PALM: variants seen among roughly 807,000 people sequenced by gnomAD.
The protein encoded by PALM is paralemmin-1.
Under a neutral mutation model 30.7 loss-of-function variants are expected in PALM, and 18 were observed. The observed-to-expected ratio is 0.59, with a 90% CI of 0.41 to 0.87. PALM has a LOEUF of 0.87. Among genes scored for constraint, PALM ranks in the 40% least tolerant of loss-of-function variants. PALM has a pLI of 0.00. For missense variants in PALM, 529 were observed against 555.4 expected (o/e 0.95, Z 0.48); for synonymous variants, 286 against 242.8 (o/e 1.18, Z -1.66).
In PALM at chr19:740,471, G is replaced by A. The variant is rs1365916466; in HGVS notation, c.622G>A (p.Asp208Asn). Residue 208 changes from aspartate (D) to asparagine (N), a missense_variant, in exon 8 of 9, where the codon GAC (aspartate) becomes AAC (asparagine). By Grantham distance (23) the Asp-to-Asn change is conservative. Transcript: ENST00000338448. ...CCCTCTGGGCATCAAAGTCTACGAG[G>A]ACGAGACCAAAGGTACGAGCACCCC... ...PLPLGIKVYEDETKVVHAVDG... is the reference protein window; with the variant it reads ...PLPLGIKVYENETKVVHAVDG... The A allele has an allele frequency of 3.2e-6, 5 of 1,551,586 alleles. No homozygotes were observed. The highest frequency in any genetic ancestry group is 4.4e-6 in the Non-Finnish European group (5 of 1,147,144).
intron 8 of PALM, among the ~76,000 whole-genome samples, chr19:741,509 T>G (rs1311118487): frequency 5.9e-3 from 6 of 1,016 alleles, no homozygotes; most frequent in African/African-American, 8.6e-3. Flanking sequence ...GCTGCAGGGG[T>G]GAGGGGAGAC....
chr19:713,810 G>A (rs887676124), intron 1 of PALM, among the ~76,000 whole-genome samples: 2 of 152,098 alleles, frequency 1.3e-5, no homozygotes, highest in African/African-American at 4.8e-5. Context: ...TCGAACTCCT[G>A]GCCTCAAGTG....
At position 709,841 on chromosome 19, in the gene PALM, G is replaced by A. The variant is rs1006225021; in HGVS notation, c.5+690G>A. On this transcript the variant is annotated intron_variant, in intron 1 of 8. Transcript: ENST00000338448. The surrounding 1 kb of genome is among the most constrained non-coding windows in gnomAD (Gnocchi z 4.3). ...GTGTCTCGGAGCTGGGGCTCCACTG[G>A]TGTAGCTACAGGAGTGGGCTGGCCC... Among the ~76,000 whole-genome samples the A allele has an allele frequency of 3.3e-5, 5 of 152,178 alleles. No homozygotes were observed. Among genetic ancestry groups the A allele is most frequent in the African/African-American group, 1.2e-4 (5 of 41,442 alleles).
chr19:728,774 T>C (rs920798961), intron 4 of PALM, among the ~76,000 whole-genome samples: 13 of 151,754 alleles, frequency 8.6e-5, no homozygotes, highest in African/African-American at 2.2e-4. Flanking sequence ...GAGACCGAGG[T>C]GGGTGAATCA....
chr19:719,035 C>G (rs1245777834), intron 1 of PALM: 10 of 799,824 alleles, frequency 1.3e-5, no homozygotes, highest in African/African-American at 1.9e-5. Flanking sequence ...GTGACTCCCC[C>G]ACCCCCCACA....
chr19:712,876 A>T (rs761830378), intron 1 of PALM, among the ~76,000 whole-genome samples: 5 of 152,058 alleles, frequency 3.3e-5, no homozygotes, highest in Non-Finnish European at 7.4e-5. Context: ...AGGTTTCGCC[A>T]TGTTGGGCAG....
rs112133426 is a variant in PALM, at chr19:723,780, C to T, written c.6-2358C>T. ...TAATTTTTGTATTTTTTGGTAGAGA[C>T]GGGGTTTTACCGTCTCTGTTGGCCA... is the stretch of plus-strand genomic sequence containing the variant. On this transcript the variant is annotated intron_variant, in intron 1 of 8. Coordinates refer to ENST00000338448, the MANE Select transcript of PALM (RefSeq NM_002579.3). 7.1e-3 allele frequency among the ~76,000 whole-genome samples: 1,079 copies of T among 152,146 alleles called. 12 individuals are homozygous for T. Among genetic ancestry groups the T allele is most frequent in the African/African-American group, 0.025 (1,024 of 41,502 alleles).
chr19:711,445 T>G (rs997007581), intron 1 of PALM, among the ~76,000 whole-genome samples: 2 of 152,210 alleles, frequency 1.3e-5, no homozygotes, highest in South Asian at 4.1e-4. Context: ...CGGCCCAGAC[T>G]CCTCCCTGCT....
intron 8 of PALM, among the ~76,000 whole-genome samples, chr19:744,211 T>C (rs1408916319): frequency 2.0e-5 from 3 of 151,500 alleles, no homozygotes; most frequent in African/African-American, 7.3e-5. Flanking sequence ...CCAGCCTGGC[T>C]AACAAGGTGA....
chr19:732,590 G>T (rs2032908262), intron 5 of PALM, among the ~76,000 whole-genome samples: 1 of 152,166 alleles, frequency 6.6e-6, no homozygotes, highest in African/African-American at 2.4e-5. Context: ...AGCTGCTCGG[G>T]AGGCTGAGGC....
In PALM at chr19:727,154, C is replaced by T; in HGVS notation, c.138+66C>T. ...GGCTGTGAGGCGGAGGCCCCGGACT[C>T]CTGCCCAACCCTGACCCTGACCCCA... On this transcript the variant is annotated intron_variant, in intron 3 of 8. Transcript: ENST00000338448. 3.8e-6 allele frequency: 4 copies of T among 1,039,722 alleles called. No individual in the cohort carries two copies. The South Asian group carries it at 5.5e-5, about 14-fold the overall frequency. 64.4% of individuals were successfully genotyped at this position (1,039,722 alleles called of 1,614,324 possible).
intron 5 of PALM, among the ~76,000 whole-genome samples, chr19:732,561 G>C (rs1249718233): frequency 1.3e-5 from 2 of 152,168 alleles, no homozygotes; most frequent in African/African-American, 4.8e-5. Context: ...CAGATGTCGT[G>C]GCCGGCACCT....
At chr19:722,489 A>T (rs1023606563) in intron 1 of PALM, 6 of 152,240 alleles carry the variant, frequency 3.9e-5, no homozygotes, top group African/African-American at 1.4e-4. Flanking sequence ...TTCACCTCCC[A>T]AAATGCTGGA....
At chr19:716,411 CAAAA>C (rs564541436) in intron 1 of PALM, among the ~76,000 whole-genome samples, 1 of 131,484 alleles carries the variant, frequency 7.6e-6, no homozygotes, top group Admixed American at 7.9e-5. Context: ...CTCTTTCTCT[CAAAA>C]AAAAAAAAAA....
chr19:723,189 G>C (rs73918188), intron 1 of PALM, among the ~76,000 whole-genome samples: 1 of 152,272 alleles, frequency 6.6e-6, no homozygotes, highest in East Asian at 1.9e-4. Context: ...GCAGGCATCT[G>C]TGCCTCCGTG....
At chr19:725,877 T>G (rs1240472913) in intron 1 of PALM, among the ~76,000 whole-genome samples, 1 of 152,154 alleles carries the variant, frequency 6.6e-6, no homozygotes, top group Non-Finnish European at 1.5e-5. Flanking sequence ...CTATGTATCC[T>G]TGGTGGCCCT....
rs370671922 is a variant in PALM, at chr19:740,496, C to T, written c.634+13C>T. The T allele has an allele frequency of 3.6e-5, 56 of 1,546,196 alleles. No individual in the cohort carries two copies. Among genetic ancestry groups the T allele is most frequent in the Non-Finnish European group, 4.1e-5 (47 of 1,143,708 alleles). On this transcript the variant is annotated intron_variant, in intron 8 of 8. Coordinates refer to ENST00000338448, the MANE Select transcript of PALM (RefSeq NM_002579.3). Reference sequence around the variant, plus strand: ...GACGAGACCAAAGGTACGAGCACCCCGGCCCCTGCCCTCCCTCCACCTGGG... The same window carrying T: ...GACGAGACCAAAGGTACGAGCACCCTGGCCCCTGCCCTCCCTCCACCTGGG...
chr19:732,869 G>A (rs2032915395), intron 5 of PALM, among the ~76,000 whole-genome samples: 1 of 151,784 alleles, frequency 6.6e-6, no homozygotes, highest in Admixed American at 6.6e-5. Flanking sequence ...CTGGGCAGGC[G>A]ACCTGGAGGA....
In PALM at chr19:747,159, G is replaced by A. The variant is rs952183016; in HGVS notation, c.*345G>A. On this transcript the variant is annotated 3_prime_UTR_variant, in exon 9 of 9. Transcript: ENST00000338448. ...GGCGGGTGGGACCCGCAGCCTCCAC[G>A]CGGCCCAGGCCAGCCTGCCACCCTC... The A allele has an allele frequency of 3.9e-5, 10 of 257,114 alleles. No homozygotes were observed. Among genetic ancestry groups the A allele is most frequent in the Middle Eastern group, 1.3e-3 (1 of 752 alleles). The allele number at this position is 257,114 out of a possible 1,614,324, so 15.9% of individuals were successfully genotyped here. A position where few individuals can be genotyped will look rare whatever the true frequency, so the allele number is the denominator to read the frequency against.
Sources: gnomAD v4.1 joint callset for allele counts (sites outside exome capture counted in the v4.1 genomes callset) on GRCh38, gnomAD v4.1.1 for gene constraint, Gnocchi (gnomAD v3.1) non-coding constraint, MANE v1.5 for transcripts, NCBI Gene and HGNC (gene_info 2026-07-23, HGNC 2026-07-21) for gene names.